The following BLOC1S4 variants were observed in gnomAD, a reference collection of about 807,000 sequenced individuals.
The protein encoded by BLOC1S4 is biogenesis of lysosomal organelles complex 1 subunit 4.
For synonymous variants in BLOC1S4, 179 were observed against 143.7 expected (o/e 1.25, Z -1.76); for missense variants, 332 against 308.8 (o/e 1.07, Z -0.56).
chr4:6,716,444 CG>C lies in BLOC1S4; in HGVS notation c.237del (p.Glu81ArgfsTer9). On this transcript the variant is annotated frameshift_variant, in exon 1 of 1. Coordinates refer to ENST00000320776, the MANE Select transcript of BLOC1S4 (RefSeq NM_018366.3). LOFTEE classifies it low-confidence loss of function (END_TRUNC). ...AACLLPGAGA[R>X]PEVEALDASL... ...CTGCCTGCTGCCCGGGGCCGGGGCG[CG>C]GCCCGAGGTCGAGGCCCTGGACGCG... 1 of 1,526,932 alleles carries C rather than the reference CG, an allele frequency of 6.5e-7. No homozygotes were observed. The highest frequency in any genetic ancestry group is 8.8e-7 in the Non-Finnish European group (1 of 1,142,088). The allele number at this position is 1,526,932 out of a possible 1,614,324, so 94.6% of individuals were successfully genotyped here. A position where few individuals can be genotyped will look rare whatever the true frequency, so the allele number is the denominator to read the frequency against.
At position 6,716,775 on chromosome 4, in the gene BLOC1S4, C is replaced by T. The variant is rs143883327; in HGVS notation, c.566C>T (p.Ser189Leu). 4.3e-3 allele frequency: 6,924 copies of T among 1,614,000 alleles called. 18 individuals carry two copies. The highest frequency in any genetic ancestry group is 6.9e-3 in the Middle Eastern group (42 of 6,062). The stretch of plus-strand genomic sequence containing the variant: ...TCGCTCTTTAGCAAGTCTGCTCCCT[C>T]GAGGCCACAGCAAGCCGGCTACGAA... ...VPSLFSKSAP[S>L]RPQQAGYEAP... Residue 189 changes from serine (S) to leucine (L), a missense_variant, in exon 1 of 1, where the codon TCG (serine) becomes TTG (leucine). By Grantham distance (145) the Ser-to-Leu change is moderately radical. Transcript: ENST00000320776.
chr4:6,716,726 C>T lies in BLOC1S4; in HGVS notation c.517C>T (p.Leu173Phe). The change falls in exon 1 of 1, where the codon CTC becomes TTC. Residue 173 changes from leucine to phenylalanine, a missense_variant. By Grantham distance (22) the Leu-to-Phe change is conservative. Coordinates refer to ENST00000320776, the MANE Select transcript of BLOC1S4 (RefSeq NM_018366.3). ...LGTFPRAFKK[L>F]LHTMNVPSLF... ...CACCTTCCCCAGGGCGTTCAAGAAG[C>T]TCCTGCACACGATGAACGTGCCCTC... 3 of 1,613,594 alleles carry T rather than the reference C, an allele frequency of 1.9e-6. No homozygotes were observed. Among genetic ancestry groups the T allele is most frequent in the Non-Finnish European group, 2.5e-6 (3 of 1,179,918 alleles).
rs1390121133 is a variant in BLOC1S4 at position 6,716,729 on chromosome 4, C to T, written c.520C>T (p.Leu174=). Reference sequence around the variant, plus strand: ...CTTCCCCAGGGCGTTCAAGAAGCTCCTGCACACGATGAACGTGCCCTCGCT... The same window carrying T: ...CTTCCCCAGGGCGTTCAAGAAGCTCTTGCACACGATGAACGTGCCCTCGCT... ...GTFPRAFKKL[L]HTMNVPSLFS... is the part of the protein sequence containing the mutation. The change falls in exon 1 of 1, where the codon CTG becomes TTG. Residue 174 remains leucine (L), a synonymous_variant. Coordinates refer to ENST00000320776, the MANE Select transcript of BLOC1S4 (RefSeq NM_018366.3). 6.2e-7 allele frequency: 1 copy of T among 1,613,680 alleles called. No individual in the cohort carries two copies.
At position 6,716,619 on chromosome 4, in the gene BLOC1S4, G is replaced by A. The variant is rs1292673412; in HGVS notation, c.410G>A (p.Arg137Gln). 7 of 1,607,546 alleles carry A rather than the reference G, an allele frequency of 4.4e-6. No individual in the cohort carries two copies. The African/African-American group carries it at 9.3e-5, about 21-fold the overall frequency. Residue 137 changes from arginine (R) to glutamine (Q), a missense_variant, in exon 1 of 1, where the codon CGG becomes CAG. Physicochemically the swap from Arg to Gln is conservative, Grantham distance 43 (BLOSUM62 1). Transcript: ENST00000320776. ...EMRRIYSRID[R>Q]LEAFVRMVGG... The stretch of plus-strand genomic sequence containing the variant: ...CGGCGCATCTACAGCAGGATCGACC[G>A]GCTGGAGGCCTTCGTGAGGATGGTG...
In BLOC1S4 at chr4:6,716,722, G is replaced by T; in HGVS notation, c.513G>T (p.Lys171Asn). The T allele has an allele frequency of 6.2e-7, 1 of 1,613,512 alleles. No homozygotes were observed. The change falls in exon 1 of 1, where the codon AAG (lysine) becomes AAT (asparagine). Residue 171 changes from lysine to asparagine, a missense_variant. Physicochemically the swap from Lys to Asn is moderately conservative, Grantham distance 94. Transcript: ENST00000320776. ...TGGGCACCTTCCCCAGGGCGTTCAA[G>T]AAGCTCCTGCACACGATGAACGTGC... The part of the protein sequence containing the change: ...AELGTFPRAF[K>N]KLLHTMNVPS...
At position 6,716,449 on chromosome 4, in the gene BLOC1S4, C is replaced by T. The variant is rs905927102; in HGVS notation, c.240C>T (p.Pro80=). Residue 80 remains proline (P), a synonymous_variant, in exon 1 of 1, where the codon CCC becomes CCT. Transcript: ENST00000320776. ...TGCTGCCCGGGGCCGGGGCGCGGCC[C>T]GAGGTCGAGGCCCTGGACGCGAGCC... ...ACLLPGAGAR[P]EVEALDASLE... 13 of 1,532,546 alleles carry T rather than the reference C, an allele frequency of 8.5e-6. No homozygotes were observed. The highest frequency in any genetic ancestry group is 3.9e-5 in the Admixed American group (2 of 50,790). 94.9% of individuals were successfully genotyped at this position (1,532,546 alleles called of 1,614,324 possible). A position where few individuals can be genotyped will look rare whatever the true frequency, so the allele number is the denominator to read the frequency against.
Position 6,716,890 on chromosome 4 carries a change from C to G in BLOC1S4, c.*27C>G, listed in dbSNP as rs572889958. On this transcript the variant is annotated 3_prime_UTR_variant, in exon 1 of 1. Coordinates refer to ENST00000320776, the MANE Select transcript of BLOC1S4 (RefSeq NM_018366.3). ...GGCCTGACCACTGCGGCAAGAGGAC[C>G]CCAGCTGGGGTGCTTACCTCCAGTA... 11 of 1,555,926 alleles carry G rather than the reference C, an allele frequency of 7.1e-6. No individual in the cohort carries two copies. The East Asian group carries it at 2.1e-4, about 29-fold the overall frequency.
chr4:6,716,493 G>A lies in BLOC1S4; in HGVS notation c.284G>A (p.Arg95Lys), dbSNP rs1049362192. ...LDASLEDLLTRVDEFVGMLDM... is the reference protein window; with the variant it reads ...LDASLEDLLTKVDEFVGMLDM... ...GCGAGCCTAGAGGACCTGCTTACCA[G>A]AGTGGACGAGTTCGTGGGCATGCTG... Residue 95 changes from arginine (R) to lysine (K), a missense_variant, in exon 1 of 1, where the codon AGA (arginine) becomes AAA (lysine). Physicochemically the swap from Arg to Lys is conservative, Grantham distance 26. Transcript: ENST00000320776. 1 of 1,537,796 alleles carries A rather than the reference G, an allele frequency of 6.5e-7. No individual in the cohort carries two copies. Among genetic ancestry groups the A allele is most frequent in the Admixed American group, 2.0e-5 (1 of 51,002 alleles).
rs1437694550 is a variant in BLOC1S4, at chr4:6,717,412, AATATT to A, written c.*556_*560del. On this transcript the variant is annotated 3_prime_UTR_variant, in exon 1 of 1. Transcript: ENST00000320776. The stretch of plus-strand genomic sequence containing the variant: ...TTTTAGGGTAAATGGTACATTATTT[AATATT>A]ATATTAAACCTCCTATAGCGTGGAT... 3 of 166,846 alleles carry A rather than the reference AATATT, an allele frequency of 1.8e-5. No individual in the cohort carries two copies. Among genetic ancestry groups the A allele is most frequent in the Admixed American group, 6.5e-5 (1 of 15,286 alleles). The allele number at this position is 166,846 out of a possible 1,614,324, so 10.3% of individuals were successfully genotyped here.
In BLOC1S4 at chr4:6,716,415, C is replaced by G; in HGVS notation, c.206C>G (p.Ala69Gly). 6.7e-7 allele frequency: 1 copy of G among 1,484,146 alleles called. No homozygotes were observed. The highest frequency in any genetic ancestry group is 2.8e-5 in the East Asian group (1 of 36,276). The allele number at this position is 1,484,146 out of a possible 1,614,324, so 91.9% of individuals were successfully genotyped here. A position where few individuals can be genotyped will look rare whatever the true frequency, so the allele number is the denominator to read the frequency against. The change falls in exon 1 of 1, where the codon GCC becomes GGC. Residue 69 changes from alanine (A) to glycine (G), a missense_variant. Transcript: ENST00000320776. ...CTTCGCCGCGCCGCTGCGGGCTACG[C>G]CGCCTGCCTGCTGCCCGGGGCCGGG... ...PLLRRAAAGYAACLLPGAGAR... is the reference protein window; with the variant it reads ...PLLRRAAAGYGACLLPGAGAR...
Position 6,716,312 on chromosome 4 carries a change from C to G in BLOC1S4, c.103C>G (p.Gln35Glu), listed in dbSNP as rs976681241. Residue 35 changes from glutamine (Q) to glutamate (E), a missense_variant, in exon 1 of 1, where the codon CAG becomes GAG. Transcript: ENST00000320776. ...AWSGDSGTVS[Q>E]SHSSASGPWE... is the part of the protein sequence containing the mutation. ...GAGCGGGGACAGTGGCACTGTTTCC[C>G]AGAGCCACAGCAGCGCCTCGGGGCC... 40 of 1,233,668 alleles carry G rather than the reference C, an allele frequency of 3.2e-5. No homozygotes were observed. Among genetic ancestry groups the G allele is most frequent in the Non-Finnish European group, 3.8e-5 (38 of 989,618 alleles). 76.4% of individuals were successfully genotyped at this position (1,233,668 alleles called of 1,614,324 possible).
At position 6,716,487 on chromosome 4, in the gene BLOC1S4, T is replaced by G. The variant is rs1442934649; in HGVS notation, c.278T>G (p.Leu93Arg). ...CTGGACGCGAGCCTAGAGGACCTGC[T>G]TACCAGAGTGGACGAGTTCGTGGGC... ...EALDASLEDL[L>R]TRVDEFVGML... Residue 93 changes from leucine to arginine, a missense_variant, in exon 1 of 1, where the codon CTT becomes CGT. Transcript: ENST00000320776. 6.5e-7 allele frequency: 1 copy of G among 1,537,346 alleles called. No homozygotes were observed. The highest frequency in any genetic ancestry group is 8.7e-7 in the Non-Finnish European group (1 of 1,146,756).
In BLOC1S4 at chr4:6,716,419, C is replaced by A. The variant is rs1310710453; in HGVS notation, c.210C>A (p.Ala70=). Residue 70 remains alanine, a synonymous_variant, in exon 1 of 1, where the codon GCC becomes GCA. Coordinates refer to ENST00000320776, the MANE Select transcript of BLOC1S4 (RefSeq NM_018366.3). ...GCCGCGCCGCTGCGGGCTACGCCGC[C>A]TGCCTGCTGCCCGGGGCCGGGGCGC... ...LLRRAAAGYA[A]CLLPGAGARP... 1 of 1,489,194 alleles carries A rather than the reference C, an allele frequency of 6.7e-7. No homozygotes were observed. Among genetic ancestry groups the A allele is most frequent in the African/African-American group, 1.4e-5 (1 of 69,744 alleles). The allele number at this position is 1,489,194 out of a possible 1,614,324, so 92.2% of individuals were successfully genotyped here.
At position 6,716,671 on chromosome 4, in the gene BLOC1S4, G is replaced by T; in HGVS notation, c.462G>T (p.Glu154Asp). 1 of 1,611,454 alleles carries T rather than the reference G, an allele frequency of 6.2e-7. No individual in the cohort carries two copies. Residue 154 changes from glutamate (E) to aspartate (D), a missense_variant, in exon 1 of 1, where the codon GAG (glutamate) becomes GAT (aspartate). Physicochemically the swap from Glu to Asp is conservative, Grantham distance 45. Transcript: ENST00000320776. ...GGGGCCGCGTGGCCAGGATGGAGGA[G>T]CAGGTCACCAAGGCCGAGGCCGAGC... is the stretch of plus-strand genomic sequence containing the variant. ...MVGGRVARMEEQVTKAEAELG... is the reference protein window; with the variant it reads ...MVGGRVARMEDQVTKAEAELG...
rs937443168 is a variant in BLOC1S4, at chr4:6,716,459, G to T, written c.250G>T (p.Ala84Ser). Reference sequence around the variant, plus strand: ...GGCCGGGGCGCGGCCCGAGGTCGAGGCCCTGGACGCGAGCCTAGAGGACCT... The same window carrying T: ...GGCCGGGGCGCGGCCCGAGGTCGAGTCCCTGGACGCGAGCCTAGAGGACCT... ...PGAGARPEVE[A>S]LDASLEDLLT... The change falls in exon 1 of 1, where the codon GCC becomes TCC. Residue 84 changes from alanine (A) to serine (S), a missense_variant. Coordinates refer to ENST00000320776, the MANE Select transcript of BLOC1S4 (RefSeq NM_018366.3). 4.5e-5 allele frequency: 69 copies of T among 1,534,840 alleles called. No individual in the cohort carries two copies. The highest frequency in any genetic ancestry group is 5.8e-5 in the Non-Finnish European group (66 of 1,146,116).
chr4:6,716,486 C>G lies in BLOC1S4; in HGVS notation c.277C>G (p.Leu93Val). 3 of 1,537,278 alleles carry G rather than the reference C, an allele frequency of 2.0e-6. No homozygotes were observed. The highest frequency in any genetic ancestry group is 2.6e-6 in the Non-Finnish European group (3 of 1,146,736). Reference protein sequence around the residue: ...EALDASLEDLLTRVDEFVGML... With the variant: ...EALDASLEDLVTRVDEFVGML... The stretch of plus-strand genomic sequence containing the variant: ...CCTGGACGCGAGCCTAGAGGACCTG[C>G]TTACCAGAGTGGACGAGTTCGTGGG... The change falls in exon 1 of 1, where the codon CTT becomes GTT. Residue 93 changes from leucine to valine, a missense_variant. Coordinates refer to ENST00000320776, the MANE Select transcript of BLOC1S4 (RefSeq NM_018366.3).
At position 6,716,282 on chromosome 4, in the gene BLOC1S4, G is replaced by A. The variant is rs766494258; in HGVS notation, c.73G>A (p.Ala25Thr). 8 of 1,232,902 alleles carry A rather than the reference G, an allele frequency of 6.5e-6. No homozygotes were observed. The highest frequency in any genetic ancestry group is 4.2e-5 in the Admixed American group (1 of 23,648). The allele number at this position is 1,232,902 out of a possible 1,614,324, so 76.4% of individuals were successfully genotyped here. ...LAEEAEPQGAAWSGDSGTVSQ... is the reference protein window; with the variant it reads ...LAEEAEPQGATWSGDSGTVSQ... ...GGAAGAGGCCGAGCCGCAGGGCGCC[G>A]CCTGGAGCGGGGACAGTGGCACTGT... Residue 25 changes from alanine to threonine, a missense_variant, in exon 1 of 1, where the codon GCC (alanine) becomes ACC (threonine). Ala to Thr is a moderately conservative substitution (Grantham distance 58, BLOSUM62 0). Coordinates refer to ENST00000320776, the MANE Select transcript of BLOC1S4 (RefSeq NM_018366.3).
rs1462554040 is a variant in BLOC1S4, at chr4:6,716,534, G to C, written c.325G>C (p.Asp109His). Residue 109 changes from aspartate (D) to histidine (H), a missense_variant, in exon 1 of 1, where the codon GAC becomes CAC. Asp to His is a moderately conservative substitution (Grantham distance 81). Coordinates refer to ENST00000320776, the MANE Select transcript of BLOC1S4 (RefSeq NM_018366.3). ...FVGMLDMLRG[D>H]SSHVVSEGVP... The stretch of plus-strand genomic sequence containing the variant: ...GGGCATGCTGGACATGCTTCGCGGC[G>C]ACTCGTCCCACGTCGTCAGCGAGGG... 6.4e-7 allele frequency: 1 copy of C among 1,553,788 alleles called. No homozygotes were observed. The highest frequency in any genetic ancestry group is 8.7e-7 in the Non-Finnish European group (1 of 1,154,250).
Position 6,716,997 on chromosome 4 carries a change from C to G in BLOC1S4, c.*134C>G. The G allele has an allele frequency of 1.3e-6, 1 of 779,620 alleles. No homozygotes were observed. Among genetic ancestry groups the G allele is most frequent in the Non-Finnish European group, 2.0e-6 (1 of 489,114 alleles). 48.3% of individuals were successfully genotyped at this position (779,620 alleles called of 1,614,324 possible). A position where few individuals can be genotyped will look rare whatever the true frequency, so the allele number is the denominator to read the frequency against. ...TAAAGTTTACTTTCTACAAACTCTC[C>G]GTAGTATATTCATGATTCAGTGTAG... On this transcript the variant is annotated 3_prime_UTR_variant, in exon 1 of 1. Transcript: ENST00000320776.
Sources: gnomAD v4.1 joint callset for allele counts on GRCh38, gnomAD v4.1.1 for gene constraint, MANE v1.5 for transcripts, NCBI Gene and HGNC (gene_info 2026-07-23, HGNC 2026-07-21) for gene names.